SLC25A26: variants seen among roughly 807,000 people sequenced by gnomAD.
The protein encoded by SLC25A26 is mitochondrial S-adenosylmethionine carrier protein.
In SLC25A26, 36 loss-of-function variants were observed where a neutral mutation model predicts 37.8. That is an observed-to-expected ratio of 0.95 (90% CI 0.73 to 1.26). The LOEUF is 1.26. SLC25A26 is among the 50% of genes most tolerant of loss of function. The pLI, the probability that SLC25A26 is intolerant of heterozygous loss-of-function variation, is 0.00. For synonymous variants in SLC25A26, 129 were observed against 122.5 expected (o/e 1.05, Z -0.35); for missense variants, 390 against 331.1 (o/e 1.18, Z -1.38).
intron 5 of SLC25A26, among the ~76,000 whole-genome samples, chr3:66,320,471 G>A (rs1384368081): frequency 6.6e-6 from 1 of 152,196 alleles, no homozygotes; most frequent in Non-Finnish European, 1.5e-5. Context: ...ACATGGCATG[G>A]ATATACTTCC....
rs1347432222 is a variant in SLC25A26, at chr3:66,175,130, TATATATATATACACACAC to T, written c.-354+41148_-354+41165del. 7.5e-4 allele frequency among the ~76,000 whole-genome samples: 70 copies of T among 93,456 alleles called. 1 individual carries two copies. The highest frequency in any genetic ancestry group is 9.3e-4 in the African/African-American group (21 of 22,630). The allele number at this position is 93,456 out of a possible 152,430, so 61.3% of individuals were successfully genotyped here. ...GTGTGTATATATATATATATATATATATATATATATACACACACACACACACACACATTATATGTATAT... is the reference window on the plus strand; with the variant it reads ...GTGTGTATATATATATATATATATATACACACACACACATTATATGTATAT... On this transcript the variant is annotated intron_variant, in intron 1 of 10. Transcript: ENST00000676754.
chr3:66,155,235 C>T (rs1219605097), intron 1 of SLC25A26, among the ~76,000 whole-genome samples: 2 of 152,164 alleles, frequency 1.3e-5, no homozygotes, highest in East Asian at 1.9e-4. Context: ...TGTGGCCGGG[C>T]GTGGTGGCTC....
At chr3:66,295,832 A>G (rs2074884332) in intron 5 of SLC25A26, among the ~76,000 whole-genome samples, 1 of 150,976 alleles carries the variant, frequency 6.6e-6, no homozygotes, top group African/African-American at 2.4e-5. Context: ...TTTAAATTCC[A>G]TTTCTTGTCT....
At chr3:66,338,473 T>C (rs1344442560) in intron 5 of SLC25A26, among the ~76,000 whole-genome samples, 1 of 152,002 alleles carries the variant, frequency 6.6e-6, no homozygotes, top group Admixed American at 6.6e-5. Flanking sequence ...TTTCTGCCAT[T>C]TTAGTGGATA....
chr3:66,219,162 G>A (rs2071405709), upstream of SLC25A26, among the ~76,000 whole-genome samples: 1 of 152,156 alleles, frequency 6.6e-6, no homozygotes, highest in African/African-American at 2.4e-5. Flanking sequence ...GACTGTGAGG[G>A]AAATGTCAGT....
At chr3:66,175,252 T>A (rs190131260) in intron 1 of SLC25A26, among the ~76,000 whole-genome samples, 1 of 151,510 alleles carries the variant, frequency 6.6e-6, no homozygotes, top group Admixed American at 6.6e-5. Context: ...TGAGATGGAG[T>A]CTTGCTGTGT....
chr3:66,280,232 A>G (rs938822856), intron 5 of SLC25A26, among the ~76,000 whole-genome samples: 2 of 152,100 alleles, frequency 1.3e-5, no homozygotes, highest in Non-Finnish European at 2.9e-5. Context: ...TTACCACATT[A>G]TTTTTCTGTA....
At chr3:66,159,936 G>T (rs2070334278) in intron 1 of SLC25A26, among the ~76,000 whole-genome samples, 1 of 152,150 alleles carries the variant, frequency 6.6e-6, no homozygotes, top group Admixed American at 6.5e-5. Context: ...ATGAAAAAAT[G>T]GGTCTTGGCC....
At chr3:66,330,551 G>A (rs9845077) in intron 5 of SLC25A26, among the ~76,000 whole-genome samples, 1,950 of 150,950 alleles carry the variant, frequency 0.013, 46 homozygotes, top group African/African-American at 0.044. Context: ...GTTGTAGGCA[G>A]TGTGCTTTAT....
At chr3:66,264,351 T>C (rs927888820) in intron 5 of SLC25A26, among the ~76,000 whole-genome samples, 1 of 151,886 alleles carries the variant, frequency 6.6e-6, no homozygotes, top group Non-Finnish European at 1.5e-5. Context: ...TAATGAAAAA[T>C]TGGTAATGAA....
chr3:66,354,983 T>C (rs905940627), intron 6 of SLC25A26, among the ~76,000 whole-genome samples: 1 of 152,150 alleles, frequency 6.6e-6, no homozygotes, highest in Non-Finnish European at 1.5e-5. Flanking sequence ...TTGCCCAGTC[T>C]TGAGTATGTC....
chr3:66,249,537 A>T (rs530545447), intron 3 of SLC25A26, among the ~76,000 whole-genome samples: 14 of 152,342 alleles, frequency 9.2e-5, no homozygotes, highest in Non-Finnish European at 1.5e-5. Context: ...ATGAGTACGT[A>T]GTATTCTTCA....
intron 5 of SLC25A26, among the ~76,000 whole-genome samples, chr3:66,272,186 A>C (rs1576763149): frequency 6.6e-6 from 1 of 152,110 alleles, no homozygotes; most frequent in Non-Finnish European, 1.5e-5. Flanking sequence ...CAGCAGCCCA[A>C]AATGCGATCC....
At chr3:66,165,733 C>A (rs1009202702) in intron 1 of SLC25A26, among the ~76,000 whole-genome samples, 1 of 152,116 alleles carries the variant, frequency 6.6e-6, no homozygotes, top group African/African-American at 2.4e-5. Context: ...AGGCTCAATT[C>A]TTTGTTCTCT....
At chr3:66,283,692 C>T (rs966592037) in intron 5 of SLC25A26, among the ~76,000 whole-genome samples, 1 of 152,146 alleles carries the variant, frequency 6.6e-6, no homozygotes, top group African/African-American at 2.4e-5. Flanking sequence ...TGTAATAATA[C>T]CCCATAATGG....
chr3:66,141,341 C>T (rs959850662), intron 1 of SLC25A26, among the ~76,000 whole-genome samples: 1 of 151,722 alleles, frequency 6.6e-6, no homozygotes, highest in African/African-American at 2.4e-5. Flanking sequence ...ATATGTCTGC[C>T]TCAGCCTCCC....
intron 1 of SLC25A26, among the ~76,000 whole-genome samples, chr3:66,162,397 A>G (rs1290336262): frequency 6.7e-6 from 1 of 149,116 alleles, no homozygotes; most frequent in Non-Finnish European, 1.5e-5. Context: ...CAACTGAGCC[A>G]AAAACACAGG....
intron 1 of SLC25A26, among the ~76,000 whole-genome samples, chr3:66,210,773 C>A (rs1469450248): frequency 1.3e-5 from 2 of 151,930 alleles, no homozygotes; most frequent in Non-Finnish European, 2.9e-5. Context: ...CTCAGCCTCC[C>A]AAAATGCTGG....
intron 1 of SLC25A26, among the ~76,000 whole-genome samples, chr3:66,188,553 T>C (rs916362168): frequency 6.6e-6 from 1 of 152,166 alleles, no homozygotes; most frequent in Non-Finnish European, 1.5e-5. Context: ...CCATGTGATC[T>C]CTGCACATGT....
Sources: gnomAD v4.1 joint callset for allele counts (sites outside exome capture counted in the v4.1 genomes callset) on GRCh38, gnomAD v4.1.1 for gene constraint, MANE v1.5 for transcripts, NCBI Gene and HGNC (gene_info 2026-07-23, HGNC 2026-07-21) for gene names.